The following PDGFC variants were observed in gnomAD, a reference collection of about 807,000 sequenced individuals.
PDGFC encodes platelet-derived growth factor C.
Under a neutral mutation model 35.5 loss-of-function variants are expected in PDGFC, and 12 were observed. The observed-to-expected ratio is 0.34, with a 90% CI of 0.22 to 0.55. The LOEUF is 0.55. Ranked by LOEUF, PDGFC falls within the 20% of genes least tolerant of loss-of-function variation. The pLI, the probability that PDGFC is intolerant of heterozygous loss-of-function variation, is 0.91. For synonymous variants in PDGFC, 159 were observed against 148.8 expected, an observed-to-expected ratio of 1.07 and a Z score of -0.50; for missense variants, 322 against 412.4, an observed-to-expected ratio of 0.78 and a Z score of 1.90.
intron 1 of PDGFC, among the ~76,000 whole-genome samples, chr4:156,857,910 T>C (rs867312734): frequency 6.6e-6 from 1 of 152,008 alleles, no homozygotes; most frequent in Non-Finnish European, 1.5e-5. Flanking sequence ...TATTGAAAAA[T>C]GCAGCTAGAT....
At chr4:156,950,811 A>C (rs562632229) in intron 1 of PDGFC, among the ~76,000 whole-genome samples, 1 of 152,012 alleles carries the variant, frequency 6.6e-6, no homozygotes, top group African/African-American at 2.4e-5. Flanking sequence ...TTTATGAAAT[A>C]AATAAGAAAA....
chr4:156,794,323 G>A (rs897085058), intron 3 of PDGFC, among the ~76,000 whole-genome samples: 3 of 152,050 alleles, frequency 2.0e-5, no homozygotes, highest in Non-Finnish European at 4.4e-5. Flanking sequence ...TTTTAACTAA[G>A]GAGTTGTTTT....
At chr4:156,903,085 AAGAGAG>A (rs537862051) in intron 1 of PDGFC, among the ~76,000 whole-genome samples, 3 of 137,600 alleles carry the variant, frequency 2.2e-5, no homozygotes, top group African/African-American at 8.0e-5. Flanking sequence ...AATAAGGACA[AAGAGAG>A]AGAGAGAGAG....
intron 5 of PDGFC, among the ~76,000 whole-genome samples, chr4:156,766,901 G>T (rs1160709813): frequency 6.6e-6 from 1 of 152,018 alleles, no homozygotes; most frequent in Non-Finnish European, 1.5e-5. Context: ...CTGAAATCTT[G>T]ATGCATATGA....
intron 1 of PDGFC, among the ~76,000 whole-genome samples, chr4:156,953,748 A>T (rs1732140309): frequency 6.6e-6 from 1 of 151,898 alleles, no homozygotes; most frequent in African/African-American, 2.4e-5. Flanking sequence ...AGAGCATAAG[A>T]CGTAAGATAC....
intron 2 of PDGFC, among the ~76,000 whole-genome samples, chr4:156,811,929 GC>G (rs1731942232): frequency 6.6e-6 from 1 of 151,980 alleles, no homozygotes; most frequent in African/African-American, 2.4e-5. Context: ...ATGAGTATTT[GC>G]CCCATGTCCT....
chr4:156,940,626 G>T (rs148744646), intron 1 of PDGFC, among the ~76,000 whole-genome samples: 20 of 152,164 alleles, frequency 1.3e-4, no homozygotes, highest in African/African-American at 3.9e-4. Context: ...CTCAAAGTGT[G>T]GTCTGGGAAT....
At chr4:156,838,134 C>A (rs185852534) in intron 2 of PDGFC, among the ~76,000 whole-genome samples, 3 of 152,160 alleles carry the variant, frequency 2.0e-5, no homozygotes, top group African/African-American at 7.2e-5. Context: ...CAGAAGTGCG[C>A]GTAGTAAAAA....
intron 1 of PDGFC, among the ~76,000 whole-genome samples, chr4:156,960,003 G>A (rs778971233): frequency 1.8e-4 from 28 of 151,556 alleles, no homozygotes; most frequent in Non-Finnish European, 7.4e-5. Context: ...TTTTTTCTTC[G>A]TTATCATGGC....
At chr4:156,766,752 T>G (rs182140343) in intron 5 of PDGFC, among the ~76,000 whole-genome samples, 1 of 152,206 alleles carries the variant, frequency 6.6e-6, no homozygotes, top group East Asian at 1.9e-4. Flanking sequence ...TAAACTACAC[T>G]TCCTATGACA....
At chr4:156,774,540 C>T (rs1220632789) in intron 3 of PDGFC, 1 of 152,166 alleles carries the variant, frequency 6.6e-6, no homozygotes, top group East Asian at 1.9e-4. Context: ...CAGGCACAAC[C>T]CTCGTGGGGC....
chr4:156,805,142 T>C (rs1340148354), intron 3 of PDGFC, among the ~76,000 whole-genome samples: 1 of 151,998 alleles, frequency 6.6e-6, no homozygotes, highest in African/African-American at 2.4e-5. Context: ...TTGAAAAATA[T>C]ATTAAGCAAT....
intron 1 of PDGFC, among the ~76,000 whole-genome samples, chr4:156,870,221 C>G (rs894776952): frequency 1.1e-4 from 16 of 152,122 alleles, no homozygotes; most frequent in African/African-American, 3.9e-4. Context: ...TTCTTCCTTT[C>G]AACTCTTTCT....
At chr4:156,840,294 C>G (rs1377284657) in intron 2 of PDGFC, among the ~76,000 whole-genome samples, 1 of 152,212 alleles carries the variant, frequency 6.6e-6, no homozygotes, top group Non-Finnish European at 1.5e-5. Context: ...TGAATCCCAG[C>G]AGCTCCAGCC....
chr4:156,893,337 A>AT lies in PDGFC; in HGVS notation c.119-42922dup, dbSNP rs11365318. Among the ~76,000 whole-genome samples the AT allele has an allele frequency of 9.0e-3, 1,328 of 147,618 alleles. 14 individuals carry two copies. The highest frequency in any genetic ancestry group is 0.031 in the African/African-American group (1,227 of 39,962). On this transcript the variant is annotated intron_variant, in intron 1 of 5. Coordinates refer to ENST00000502773, the MANE Select transcript of PDGFC (RefSeq NM_016205.3). ...AACAAGTAAAAAATGCTCTAACTAG[A>AT]TTTTTTTTTTTTTTAAGACAGGGTC...
chr4:156,872,673 T>G (rs983943302), intron 1 of PDGFC, among the ~76,000 whole-genome samples: 1 of 152,238 alleles, frequency 6.6e-6, no homozygotes. Flanking sequence ...TTATTATATA[T>G]TCCAACATTC....
chr4:156,932,724 C>T (rs1266362138), intron 1 of PDGFC, among the ~76,000 whole-genome samples: 1 of 123,278 alleles, frequency 8.1e-6, no homozygotes, highest in Non-Finnish European at 1.6e-5. Context: ...GGAAGGGGAA[C>T]ATCACACACC....
intron 2 of PDGFC, among the ~76,000 whole-genome samples, chr4:156,828,318 G>T (rs1728837178): frequency 6.6e-6 from 1 of 152,186 alleles, no homozygotes; most frequent in African/African-American, 2.4e-5. Context: ...TTCTGATACA[G>T]ATTATGTCCT....
In PDGFC at chr4:156,926,186, T is replaced by C. The variant is rs72976531; in HGVS notation, c.118+44600A>G. ...TTCATTCTTTTGTTCATTCAATGAA[T>C]GCTTATTTAATATCAAATCAATTTA... is the stretch of plus-strand genomic sequence containing the variant. On this transcript the variant is annotated intron_variant, in intron 1 of 5. Transcript: ENST00000502773. Among the ~76,000 whole-genome samples the C allele has an allele frequency of 3.8e-3, 579 of 152,162 alleles. 5 individuals carry two copies. Among genetic ancestry groups the C allele is most frequent in the African/African-American group, 0.013 (533 of 41,542 alleles).
Sources: allele counts gnomAD v4.1 joint callset (sites outside exome capture counted in the v4.1 genomes callset), GRCh38; gene constraint gnomAD v4.1.1; transcripts MANE v1.5; gene names NCBI Gene and HGNC (gene_info 2026-07-23, HGNC 2026-07-21).